HSD17B13: variants seen among roughly 807,000 people sequenced by gnomAD.
HSD17B13 encodes 17-beta-hydroxysteroid dehydrogenase 13.
HSD17B13 carries 26 observed loss-of-function variants against 31.1 expected under a neutral mutation model. The ratio of observed to expected loss-of-function variants is 0.84; its 90% CI spans 0.61 to 1.16. HSD17B13 has a LOEUF of 1.16. HSD17B13 is among the 50% of genes most tolerant of loss of function. The pLI, the probability that HSD17B13 is intolerant of heterozygous loss-of-function variation, is 0.00. For missense variants in HSD17B13, 374 were observed against 366.5 expected (o/e 1.02, Z -0.17); for synonymous variants, 141 against 133.7 (o/e 1.05, Z -0.38).
chr4:87,317,274 G>A, intron 2 of HSD17B13, 51 bp from the exon 3 acceptor site: 1 of 1,584,856 alleles, frequency 6.3e-7, no homozygotes, highest in Non-Finnish European at 8.6e-7. Context: ...CAAACTCAAA[G>A]TTTTGGGACC....
In HSD17B13 at chr4:87,306,905, TAAAAAAAAAA is replaced by T. The variant is rs67775053; in HGVS notation, c.813-1607_813-1598del. On this transcript the variant is annotated intron_variant, in intron 6 of 6. Coordinates refer to ENST00000328546, the MANE Select transcript of HSD17B13 (RefSeq NM_178135.5). ...CTGGGCAACAGAGTGAGACCCAATC[TAAAAAAAAAA>T]AAAAAAAAAAAAAAAAAAAGGAAGA... Among the ~76,000 whole-genome samples, 21 of 44,316 alleles carry T rather than the reference TAAAAAAAAAA, an allele frequency of 4.7e-4. 1 individual carries two copies. The highest frequency in any genetic ancestry group is 1.3e-3 in the South Asian group (1 of 780). 29.1% of individuals were successfully genotyped at this position (44,316 alleles called of 152,430 possible). A position where few individuals can be genotyped will look rare whatever the true frequency, so the allele number is the denominator to read the frequency against.
chr4:87,322,700 T>C lies in HSD17B13; in HGVS notation c.142A>G (p.Ile48Val). 1 of 1,614,188 alleles carries C rather than the reference T, an allele frequency of 6.2e-7. No homozygotes were observed. The change falls in exon 1 of 7, where the codon ATA (isoleucine) becomes GTA (valine). Residue 48 changes from isoleucine to valine, a missense_variant. Ile to Val is a conservative substitution (Grantham distance 29). Coordinates refer to ENST00000328546, the MANE Select transcript of HSD17B13 (RefSeq NM_178135.5). ...AATTCATAAGTAGTCTGCCTGCCTA[T>C]TCCATGCCCAGCTCCAGTAATGAGA... ...IVLITGAGHG[I>V]GRQTTYEFAK...
intron 1 of HSD17B13, 23 bp downstream of exon 1, chr4:87,322,609 A>C (rs371657829): frequency 2.7e-6 from 4 of 1,482,722 alleles, no homozygotes; most frequent in Non-Finnish European, 3.8e-6. Context: ...TGACTTTAAA[A>C]AGTTGGAAGA....
intron 1 of HSD17B13, among the ~76,000 whole-genome samples, chr4:87,321,222 G>A (rs1481298696): frequency 6.6e-6 from 1 of 151,958 alleles, no homozygotes; most frequent in East Asian, 1.9e-4. Flanking sequence ...TAGAGTTGGG[G>A]GTTTTGCTGT....
intron 5 of HSD17B13, among the ~76,000 whole-genome samples, chr4:87,313,303 T>A (rs1282093765): frequency 6.6e-6 from 1 of 152,174 alleles, no homozygotes. Context: ...TTCGAATCAT[T>A]AAGCTTAGTA....
intron 6 of HSD17B13, among the ~76,000 whole-genome samples, chr4:87,309,169 G>A (rs539024372): frequency 1.3e-5 from 2 of 151,712 alleles, no homozygotes; most frequent in Non-Finnish European, 2.9e-5. Flanking sequence ...GATCACATGA[G>A]GTCAGGAGTT....
At chr4:87,321,170 C>T (rs963872958) in intron 1 of HSD17B13, among the ~76,000 whole-genome samples, 41 of 152,202 alleles carry the variant, frequency 2.7e-4, no homozygotes, top group East Asian at 7.7e-4. Flanking sequence ...GCTGGGACTA[C>T]GGGTGTGCAC....
chr4:87,314,259 A>G (rs559119650), intron 4 of HSD17B13, among the ~76,000 whole-genome samples: 38 of 152,148 alleles, frequency 2.5e-4, no homozygotes, highest in African/African-American at 8.7e-4. Flanking sequence ...TGAATCTTCA[A>G]ACTGTTTTCT....
chr4:87,312,025 G>A (rs1260389669), intron 5 of HSD17B13, among the ~76,000 whole-genome samples: 1 of 152,090 alleles, frequency 6.6e-6, no homozygotes, highest in Non-Finnish European at 1.5e-5. Flanking sequence ...AGCATTGCCT[G>A]TGTCTACCTC....
intron 6 of HSD17B13, among the ~76,000 whole-genome samples, chr4:87,307,354 G>T (rs62305720): frequency 0.14 from 21,782 of 152,016 alleles, 1,676 homozygotes; most frequent in African/African-American, 0.17. Context: ...CAGAATAATT[G>T]TTTTTATCAC....
intron 1 of HSD17B13, among the ~76,000 whole-genome samples, chr4:87,318,917 A>T (rs541440755): frequency 1.3e-5 from 2 of 151,708 alleles, no homozygotes; most frequent in African/African-American, 2.4e-5. Flanking sequence ...GTGGTGGCTC[A>T]CGCCTGTAAT....
chr4:87,320,441 C>T (rs1449887450), intron 1 of HSD17B13, among the ~76,000 whole-genome samples: 3 of 129,024 alleles, frequency 2.3e-5, no homozygotes, highest in East Asian at 2.5e-4. Flanking sequence ...GGCTGGAGTG[C>T]AGTGGCGTCA....
intron 2 of HSD17B13, among the ~76,000 whole-genome samples, chr4:87,318,014 G>A (rs1734694754): frequency 6.6e-6 from 1 of 152,118 alleles, no homozygotes; most frequent in African/African-American, 2.4e-5. Context: ...TTACTGCAAA[G>A]TTAATAGGAC....
At chr4:87,308,082 T>C (rs1009317117) in intron 6 of HSD17B13, among the ~76,000 whole-genome samples, 6 of 152,222 alleles carry the variant, frequency 3.9e-5, no homozygotes, top group African/African-American at 9.6e-5. Flanking sequence ...CTCTGGGAAA[T>C]TGTTGCTGTT....
chr4:87,313,735 T>C (rs1001095420), intron 5 of HSD17B13, 88 bp downstream of exon 5: 7 of 1,033,006 alleles, frequency 6.8e-6, no homozygotes, highest in African/African-American at 3.3e-5. Context: ...CATTTTCTTC[T>C]ATTAGTTGGC....
At chr4:87,310,217 A>G (rs1734498783) in intron 6 of HSD17B13, 26 bp downstream of exon 6, 1 of 1,521,998 alleles carries the variant, frequency 6.6e-7, no homozygotes, top group South Asian at 1.3e-5. Context: ...GTGTTTTAGT[A>G]TTTGGGTGTT....
chr4:87,321,705 C>A (rs1282701949), intron 1 of HSD17B13, among the ~76,000 whole-genome samples: 1 of 151,904 alleles, frequency 6.6e-6, no homozygotes, highest in African/African-American at 2.4e-5. Flanking sequence ...GTATTCTTCA[C>A]TATTCAGAAA....
At chr4:87,313,722 C>T (rs7698974) in intron 5 of HSD17B13, 101 bp downstream of exon 5, 766,192 of 936,828 alleles carry the variant, frequency 0.82, 315,190 homozygotes, top group African/African-American at 0.96. Flanking sequence ...ATTTTTCCTT[C>T]TTCATTTTCT....
At chr4:87,307,408 A>G (rs1734413767) in intron 6 of HSD17B13, among the ~76,000 whole-genome samples, 1 of 152,178 alleles carries the variant, frequency 6.6e-6, no homozygotes, top group Non-Finnish European at 1.5e-5. Context: ...CAATATTAAT[A>G]TGACTTGCTT....
Sources: gnomAD v4.1 joint callset for allele counts (sites outside exome capture counted in the v4.1 genomes callset) on GRCh38, gnomAD v4.1.1 for gene constraint, MANE v1.5 for transcripts, NCBI Gene and HGNC (gene_info 2026-07-23, HGNC 2026-07-21) for gene names.